Variants in LAMA3 observed in about 807,000 individuals in gnomAD.
The protein encoded by LAMA3 is laminin subunit alpha 3.
Under a neutral mutation model 402.0 loss-of-function variants are expected in LAMA3, and 281 were observed. The observed-to-expected ratio is 0.70, with a 90% CI of 0.63 to 0.77. LAMA3 has a LOEUF of 0.77. Ranked by LOEUF, LAMA3 falls within the 30% of genes least tolerant of loss-of-function variation. The pLI is 0.00. For synonymous variants in LAMA3, 1,431 were observed against 1,558.4 expected (o/e 0.92, Z 1.93); for missense variants, 3,840 against 4,215.5 (o/e 0.91, Z 2.47).
At chr18:23,910,754 G>A (rs1427477992) in intron 55 of LAMA3, among the ~76,000 whole-genome samples, 1 of 152,132 alleles carries the variant, frequency 6.6e-6, no homozygotes, top group East Asian at 1.9e-4. Flanking sequence ...GAATGAGCTG[G>A]AGCTGTGTGT....
chr18:23,940,123 CA>C (rs1164839467), intron 68 of LAMA3, among the ~76,000 whole-genome samples: 1 of 152,146 alleles, frequency 6.6e-6, no homozygotes, highest in Non-Finnish European at 1.5e-5. Flanking sequence ...GCAAGAGGTT[CA>C]TTGTGGGGAA....
chr18:23,914,949 A>G (rs1313964810), intron 58 of LAMA3, 89 bp downstream of exon 58: 1 of 1,097,056 alleles, frequency 9.1e-7, no homozygotes, highest in African/African-American at 1.6e-5. Flanking sequence ...TTAATTACAT[A>G]TAAAATGGAT....
intron 40 of LAMA3, among the ~76,000 whole-genome samples, chr18:23,884,503 T>C (rs1419168201): frequency 2.0e-5 from 3 of 152,230 alleles, no homozygotes; most frequent in Non-Finnish European, 4.4e-5. Context: ...TGAGTTACTC[T>C]GCTCTGTCTT....
At chr18:23,815,640 T>C in intron 17 of LAMA3, 67 bp downstream of exon 17, 2 of 1,080,012 alleles carry the variant, frequency 1.9e-6, no homozygotes, top group Non-Finnish European at 2.9e-6. Context: ...TAAATAACAT[T>C]TCTTCTGAGT....
At chr18:23,770,041 G>C (rs1186197421) in intron 8 of LAMA3, among the ~76,000 whole-genome samples, 1 of 152,146 alleles carries the variant, frequency 6.6e-6, no homozygotes, top group Admixed American at 6.5e-5. Context: ...ATTCATCAGG[G>C]AGACAGTAAT....
rs762982132 is a variant in LAMA3 at position 23,864,848 on chromosome 18, G to A, written c.4648G>A (p.Val1550Ile). The A allele has an allele frequency of 6.2e-7, 1 of 1,613,770 alleles. No individual in the cohort carries two copies. The highest frequency in any genetic ancestry group is 8.5e-7 in the Non-Finnish European group (1 of 1,179,808). The change falls in exon 36 of 75, where the codon GTT (valine) becomes ATT (isoleucine). Residue 1550 changes from valine (V) to isoleucine (I), a missense_variant. By Grantham distance (29) the Val-to-Ile change is conservative (BLOSUM62 3). This residue lies in a region of LAMA3 where 2,109 missense variants were observed against 2,376.0 expected (regional missense o/e 0.89). Coordinates refer to ENST00000313654, the MANE Select transcript of LAMA3 (RefSeq NM_198129.4). ...GTCCTTTGGCTTGCCTGGCGACATG[G>A]TTCTTCTGGAAAAGAAGCCGGATGT... is the stretch of plus-strand genomic sequence containing the variant. ...AKSFGLPGDM[V>I]LLEKKPDVQL...
Position 23,858,923 on chromosome 18 carries a change from T to C in LAMA3, c.4422+94T>C, listed in dbSNP as rs773440769. 145 of 1,333,862 alleles carry C rather than the reference T, an allele frequency of 1.1e-4. 1 individual carries two copies. Among genetic ancestry groups the C allele is most frequent in the Admixed American group, 1.5e-4 (9 of 59,606 alleles). 82.6% of individuals were successfully genotyped at this position (1,333,862 alleles called of 1,614,324 possible). ...CGCTGCTCCTTGGCCTGCAGTGTTT[T>C]AAAATTCTTGTTTCCTGAATTCGTC... On this transcript the variant is annotated intron_variant, in intron 34 of 74. Coordinates refer to ENST00000313654, the MANE Select transcript of LAMA3 (RefSeq NM_198129.4).
Position 23,750,924 on chromosome 18 carries a change from G to A in LAMA3, c.691G>A (p.Val231Met), listed in dbSNP as rs571872512. 5.0e-6 allele frequency: 8 copies of A among 1,614,032 alleles called. No homozygotes were observed. In the South Asian group the frequency reaches 8.8e-5, roughly 18 times the overall value. Residue 231 changes from valine (V) to methionine (M), a missense_variant, in exon 5 of 75, where the codon GTG (valine) becomes ATG (methionine). This residue lies in a region of LAMA3 where 2,109 missense variants were observed against 2,376.0 expected (regional missense o/e 0.89). Transcript: ENST00000313654. ...IVPLENGEVV[V>M]SLINGRPGAK... ...GTGTGTGTGGTCATTTTAGGTTGTG[G>A]TGTCCTTGATAAACGGTCGTCCAGG...
intron 44 of LAMA3, among the ~76,000 whole-genome samples, chr18:23,896,282 G>A (rs2080870116): frequency 6.6e-6 from 1 of 152,206 alleles, no homozygotes; most frequent in Admixed American, 6.5e-5. Context: ...GTTGCAGTGA[G>A]CTGAGATGGT....
chr18:23,826,872 A>G (rs2144456276), intron 22 of LAMA3, 73 bp downstream of exon 22: 2 of 852,092 alleles, frequency 2.3e-6, no homozygotes, highest in Non-Finnish European at 3.9e-6. Flanking sequence ...GCAAGCTTTC[A>G]TGAGGTGTCT....
chr18:23,809,657 C>G (rs2063028914), intron 12 of LAMA3, among the ~76,000 whole-genome samples: 1 of 152,222 alleles, frequency 6.6e-6, no homozygotes, highest in Non-Finnish European at 1.5e-5. Context: ...CATCTGTTCT[C>G]TCCATCCACA....
chr18:23,824,738 A>G (rs932251233), intron 21 of LAMA3, among the ~76,000 whole-genome samples, 173 bp downstream of exon 21: 15 of 152,186 alleles, frequency 9.9e-5, no homozygotes, highest in African/African-American at 3.6e-4. Flanking sequence ...TCACCCTCAA[A>G]TGACATAGGA....
chr18:23,731,788 G>C (rs1401259692), intron 2 of LAMA3, among the ~76,000 whole-genome samples: 1 of 152,074 alleles, frequency 6.6e-6, no homozygotes, highest in African/African-American at 2.4e-5. Flanking sequence ...GAGGGGAAAG[G>C]GTTGGGAAAC....
chr18:23,822,111 C>G lies in LAMA3; in HGVS notation c.2305-141C>G, dbSNP rs62094793. On this transcript the variant is annotated intron_variant, in intron 19 of 74. Coordinates refer to ENST00000313654, the MANE Select transcript of LAMA3 (RefSeq NM_198129.4). ...TCACAAGTTACTCGGTGCTCGTTGA[C>G]TGAGTGTGAGTGTGTATGTGTGTGT... 43,237 of 829,472 alleles carry G rather than the reference C, an allele frequency of 0.052. 1,434 individuals carry two copies. Among genetic ancestry groups the G allele is most frequent in the Middle Eastern group, 0.11 (385 of 3,354 alleles). The allele number at this position is 829,472 out of a possible 1,614,324, so 51.4% of individuals were successfully genotyped here.
At chr18:23,703,571 A>G (rs2060829683) in intron 1 of LAMA3, among the ~76,000 whole-genome samples, 1 of 152,224 alleles carries the variant, frequency 6.6e-6, no homozygotes, top group South Asian at 2.1e-4. Context: ...GGTGTGTCCA[A>G]CATGGCACAT....
rs372668398 is a variant in LAMA3 at position 23,706,936 on chromosome 18, G to T, written c.295-6984G>T. Reference sequence around the variant, plus strand: ...TCTACTAAAAATACAAAATTAGCTGGACGTGGTGGCACATGCCTGTAATCC... The same window carrying T: ...TCTACTAAAAATACAAAATTAGCTGTACGTGGTGGCACATGCCTGTAATCC... On this transcript the variant is annotated intron_variant, in intron 1 of 74. Transcript: ENST00000313654. Among the ~76,000 whole-genome samples, 101 of 152,248 alleles carry T rather than the reference G, an allele frequency of 6.6e-4. No individual in the cohort carries two copies. The South Asian group carries it at 8.7e-3, about 13-fold the overall frequency.
chr18:23,862,181 A>G (rs2064240100), intron 35 of LAMA3, among the ~76,000 whole-genome samples: 1 of 152,236 alleles, frequency 6.6e-6, no homozygotes, highest in South Asian at 2.1e-4. Context: ...AGGCAGAAGA[A>G]AGCCTCTTTG....
intron 24 of LAMA3, among the ~76,000 whole-genome samples, chr18:23,835,097 A>T (rs563162922): frequency 2.6e-5 from 4 of 152,366 alleles, no homozygotes; most frequent in African/African-American, 9.6e-5. Context: ...AGATGAAATC[A>T]GCAACCACTG....
At chr18:23,748,743 C>T (rs564190599) in intron 3 of LAMA3, among the ~76,000 whole-genome samples, 1 of 109,882 alleles carries the variant, frequency 9.1e-6, no homozygotes, top group Non-Finnish European at 2.4e-5. Context: ...TGCAATGAGC[C>T]AAGACTGTGC....
Sources: allele counts gnomAD v4.1 joint callset (sites outside exome capture counted in the v4.1 genomes callset), GRCh38; gene constraint gnomAD v4.1.1; regional missense constraint gnomAD v4.1.1; transcripts MANE v1.5; gene names NCBI Gene and HGNC (gene_info 2026-07-23, HGNC 2026-07-21).